The following SLC26A7 variants were observed in gnomAD, a reference collection of about 807,000 sequenced individuals.
The protein encoded by SLC26A7 is solute carrier family 26 member 7.
In SLC26A7, 59 loss-of-function variants were observed where a neutral mutation model predicts 82.5. The observed-to-expected ratio is 0.72, with a 90% CI of 0.58 to 0.89. SLC26A7 has a LOEUF of 0.89. SLC26A7 is among the 40% of genes least tolerant of loss of function. SLC26A7 has a pLI of 0.00. For synonymous variants in SLC26A7, 271 were observed against 274.3 expected, an observed-to-expected ratio of 0.99 and a Z score of 0.12; for missense variants, 820 against 793.0, an observed-to-expected ratio of 1.03 and a Z score of -0.41.
rs79858269 is a variant in SLC26A7, at chr8:91,275,737, C to T, written c.194-13399C>T. 8.2e-3 allele frequency among the ~76,000 whole-genome samples: 1,250 copies of T among 152,264 alleles called. 20 individuals are homozygous for T. Among genetic ancestry groups the T allele is most frequent in the African/African-American group, 0.029 (1,192 of 41,534 alleles). ...TGTGCAAAGAGAAACATCATTACTG[C>T]TTTGGTATGATATCGGGTGTCCAAG... On this transcript the variant is annotated intron_variant, in intron 2 of 18. Coordinates refer to ENST00000276609, the MANE Select transcript of SLC26A7 (RefSeq NM_052832.4).
intron 2 of SLC26A7, among the ~76,000 whole-genome samples, chr8:91,221,734 C>T (rs964713246): frequency 1.3e-5 from 2 of 152,126 alleles, no homozygotes; most frequent in African/African-American, 2.4e-5. Flanking sequence ...GTCTATCTGT[C>T]TGTTTTGGTA....
chr8:91,291,293 G>T lies in SLC26A7; in HGVS notation c.304+2047G>T, dbSNP rs115533286. ...TCACAGGTGCATGGATTGCAACCCAGGTGCGACCAAATCTAAAGCACAAGC... is the reference window on the plus strand; with the variant it reads ...TCACAGGTGCATGGATTGCAACCCATGTGCGACCAAATCTAAAGCACAAGC... On this transcript the variant is annotated intron_variant, in intron 3 of 18. Transcript: ENST00000276609. Among the ~76,000 whole-genome samples the T allele has an allele frequency of 1.5e-3, 232 of 152,204 alleles. 1 individual carries two copies. The highest frequency in any genetic ancestry group is 5.5e-3 in the African/African-American group (227 of 41,534).
At chr8:91,331,335 T>C (rs1813075131) in intron 5 of SLC26A7, among the ~76,000 whole-genome samples, 3 of 152,178 alleles carry the variant, frequency 2.0e-5, no homozygotes, top group African/African-American at 7.2e-5. Flanking sequence ...GTACATTTTG[T>C]CTAAAATAAT....
At chr8:91,314,113 A>G (rs1812564149) in intron 4 of SLC26A7, among the ~76,000 whole-genome samples, 1 of 152,206 alleles carries the variant, frequency 6.6e-6, no homozygotes, top group Admixed American at 6.5e-5. Flanking sequence ...ATTGTATGAA[A>G]TTAATTTCCT....
At chr8:91,302,292 T>C (rs1812188156) in intron 4 of SLC26A7, among the ~76,000 whole-genome samples, 2 of 152,116 alleles carry the variant, frequency 1.3e-5, no homozygotes, top group African/African-American at 4.8e-5. Flanking sequence ...GGTGTGTTCA[T>C]TACTGTAGGC....
intron 2 of SLC26A7, among the ~76,000 whole-genome samples, chr8:91,231,555 CTTTTCTTTTCTTTTTTCT>C (rs1284001940): frequency 1.3e-5 from 2 of 151,996 alleles, no homozygotes; most frequent in Admixed American, 6.6e-5. Flanking sequence ...CCTTTCTTTC[CTTTTCTTTTCTTTTTTCT>C]TTTTCTTTTC....
chr8:91,268,434 T>A (rs1195289105), intron 2 of SLC26A7, among the ~76,000 whole-genome samples: 2 of 152,042 alleles, frequency 1.3e-5, no homozygotes, highest in East Asian at 1.9e-4. Flanking sequence ...GCCTATTTTA[T>A]TTAAAATAAG....
intron 4 of SLC26A7, among the ~76,000 whole-genome samples, chr8:91,303,573 A>G (rs1812224937): frequency 1.3e-5 from 2 of 152,204 alleles, no homozygotes; most frequent in Admixed American, 1.3e-4. Flanking sequence ...TCATAAATAT[A>G]TATTCAACAA....
intron 9 of SLC26A7, among the ~76,000 whole-genome samples, chr8:91,345,319 C>A (rs1201995621): frequency 6.6e-6 from 1 of 152,130 alleles, no homozygotes; most frequent in Non-Finnish European, 1.5e-5. Flanking sequence ...TTGTCAGGCT[C>A]AATAAACATA....
intron 2 of SLC26A7, 112 bp downstream of exon 2, chr8:91,249,956 G>T: frequency 1.3e-6 from 1 of 789,120 alleles, no homozygotes; most frequent in Non-Finnish European, 1.8e-6. Context: ...ATGGATATTA[G>T]CTGTGGGGAA....
At chr8:91,342,540 G>A (rs576427895) in intron 8 of SLC26A7, among the ~76,000 whole-genome samples, 16 of 152,252 alleles carry the variant, frequency 1.1e-4, no homozygotes, top group East Asian at 5.8e-4. Context: ...GGTGCCATTC[G>A]GGAAAAGAAG....
chr8:91,278,565 T>C (rs906578918), intron 2 of SLC26A7, among the ~76,000 whole-genome samples: 1 of 152,172 alleles, frequency 6.6e-6, no homozygotes, highest in African/African-American at 2.4e-5. Flanking sequence ...GATCATGGAA[T>C]TTGTCAGCTT....
At chr8:91,278,507 T>C (rs943259754) in intron 2 of SLC26A7, among the ~76,000 whole-genome samples, 1 of 152,192 alleles carries the variant, frequency 6.6e-6, no homozygotes, top group Non-Finnish European at 1.5e-5. Context: ...AGTAAAAGTA[T>C]TATAGAAGTA....
intron 2 of SLC26A7, among the ~76,000 whole-genome samples, chr8:91,253,844 A>T (rs974386278): frequency 1.1e-4 from 16 of 152,148 alleles, no homozygotes; most frequent in African/African-American, 3.9e-4. Context: ...ATATATTCTT[A>T]CCAGCTTGTG....
At chr8:91,231,805 G>A (rs1418374929) in intron 2 of SLC26A7, among the ~76,000 whole-genome samples, 1 of 152,054 alleles carries the variant, frequency 6.6e-6, no homozygotes, top group African/African-American at 2.4e-5. Flanking sequence ...GTGTGTGTGT[G>A]CACATGTGAG....
chr8:91,225,749 A>G (rs1259097843), intron 2 of SLC26A7, among the ~76,000 whole-genome samples: 1 of 134,598 alleles, frequency 7.4e-6, no homozygotes, highest in Non-Finnish European at 1.5e-5. Context: ...TTATCCATCC[A>G]TCTATCTCAG....
chr8:91,345,977 C>G (rs750313619), intron 9 of SLC26A7, among the ~76,000 whole-genome samples: 4 of 152,078 alleles, frequency 2.6e-5, no homozygotes, highest in African/African-American at 4.8e-5. Flanking sequence ...GATAAAGCAG[C>G]GCCCCTTCTC....
intron 1 of SLC26A7, among the ~76,000 whole-genome samples, chr8:91,215,874 A>G (rs1169875866): frequency 1.3e-5 from 2 of 152,284 alleles, no homozygotes; most frequent in East Asian, 1.9e-4. Context: ...TCAAATGGAC[A>G]TATGTCGTAC....
Position 91,366,704 on chromosome 8 carries a change from A to G in SLC26A7, c.1613A>G (p.Asp538Gly). 1 of 1,612,620 alleles carries G rather than the reference A, an allele frequency of 6.2e-7. No individual in the cohort carries two copies. ...GAAAATGCCTGTAATCAGCCACTTG[A>G]TGATATCAGCAAGGTAGGATCAATG... ...QKENACNQPL[D>G]DISKCEQNTL... The change falls in exon 14 of 19, where the codon GAT becomes GGT. Residue 538 changes from aspartate (D) to glycine (G), a missense_variant. By Grantham distance (94) the Asp-to-Gly change is moderately conservative. Coordinates refer to ENST00000276609, the MANE Select transcript of SLC26A7 (RefSeq NM_052832.4).
Sources: gnomAD v4.1 joint callset for allele counts (sites outside exome capture counted in the v4.1 genomes callset) on GRCh38, gnomAD v4.1.1 for gene constraint, MANE v1.5 for transcripts, NCBI Gene and HGNC (gene_info 2026-07-23, HGNC 2026-07-21) for gene names.